Variants in DACH1 observed in about 807,000 individuals in gnomAD.
DACH1 encodes the protein dachshund homolog 1.
A neutral mutation model predicts 54.2 loss-of-function variants in DACH1; 12 were observed. The observed-to-expected ratio is 0.22, with a 90% CI of 0.14 to 0.36. The LOEUF (loss-of-function observed/expected upper bound fraction) is 0.36, where lower values mean the gene tolerates loss of function less well. DACH1 is among the 10% of genes least tolerant of loss of function. The pLI, the probability that DACH1 is intolerant of heterozygous loss-of-function variation, is 1.00. For missense variants in DACH1, 805 were observed against 929.8 expected, an observed-to-expected ratio of 0.87 and a Z score of 1.75; for synonymous variants, 386 against 366.2, an observed-to-expected ratio of 1.05 and a Z score of -0.62.
At chr13:71,701,339 A>G (rs1022565306) in intron 1 of DACH1, among the ~76,000 whole-genome samples, 1 of 152,202 alleles carries the variant, frequency 6.6e-6, no homozygotes, top group Non-Finnish European at 1.5e-5. Context: ...ATATGTGACA[A>G]TCAGAGTTAT....
intron 3 of DACH1, among the ~76,000 whole-genome samples, chr13:71,590,942 C>T (rs1445620903): frequency 6.8e-6 from 1 of 146,866 alleles, no homozygotes; most frequent in Non-Finnish European, 1.5e-5. Flanking sequence ...GCAGGGGCGC[C>T]ATCTCAGGTC....
chr13:71,827,564 G>T (rs1888427951), intron 1 of DACH1, among the ~76,000 whole-genome samples: 1 of 151,986 alleles, frequency 6.6e-6, no homozygotes, highest in African/African-American at 2.4e-5. Flanking sequence ...TGAGAACAAG[G>T]GAGTGAGGAC....
intron 7 of DACH1, among the ~76,000 whole-genome samples, chr13:71,486,734 A>G (rs1015418222): frequency 6.6e-6 from 1 of 152,202 alleles, no homozygotes; most frequent in Non-Finnish European, 1.5e-5. Flanking sequence ...TAAATATATG[A>G]TAACTGCATC....
intron 1 of DACH1, among the ~76,000 whole-genome samples, chr13:71,748,871 TTTCTTTCTTTCTTTC>T (rs879405718): frequency 0.3 from 14,908 of 50,360 alleles, 1,255 homozygotes; most frequent in Non-Finnish European, 0.42. Context: ...TCTTTCTTTC[TTTCTTTCTTTCTTTC>T]TTTCTTTCTT....
chr13:71,593,243 T>G (rs1331293770), intron 3 of DACH1, among the ~76,000 whole-genome samples: 1 of 152,174 alleles, frequency 6.6e-6, no homozygotes, highest in Non-Finnish European at 1.5e-5. Flanking sequence ...ACCAATGTTT[T>G]GTGACTGCTT....
intron 6 of DACH1, among the ~76,000 whole-genome samples, chr13:71,507,758 A>C (rs1328954647): frequency 6.6e-6 from 1 of 152,182 alleles, no homozygotes; most frequent in Non-Finnish European, 1.5e-5. Context: ...CTAAGGTTTT[A>C]ATATATGGAG....
chr13:71,572,561 C>T (rs1885278124), intron 4 of DACH1, among the ~76,000 whole-genome samples: 1 of 152,146 alleles, frequency 6.6e-6, no homozygotes, highest in Non-Finnish European at 1.5e-5. Flanking sequence ...CACGCATACA[C>T]ACAACTACCT....
intron 1 of DACH1, among the ~76,000 whole-genome samples, chr13:71,791,732 A>G (rs1886841049): frequency 6.6e-6 from 1 of 152,200 alleles, no homozygotes; most frequent in Non-Finnish European, 1.5e-5. Flanking sequence ...GTGAATTCAC[A>G]GTTAAATGGG....
intron 1 of DACH1, among the ~76,000 whole-genome samples, chr13:71,854,787 CTT>C (rs1436599772): frequency 6.6e-6 from 1 of 151,974 alleles, no homozygotes; most frequent in African/African-American, 2.4e-5. Context: ...TTGGGGTAAA[CTT>C]TTAAATGAAA....
intron 1 of DACH1, among the ~76,000 whole-genome samples, chr13:71,734,955 G>GATAT (rs140707445): frequency 2.1e-5 from 3 of 143,840 alleles, no homozygotes; most frequent in African/African-American, 7.9e-5. Flanking sequence ...ACACACACAG[G>GATAT]ATATATATAT....
chr13:71,754,443 G>A (rs1445005917), intron 1 of DACH1, among the ~76,000 whole-genome samples: 6 of 152,156 alleles, frequency 3.9e-5, no homozygotes, highest in Admixed American at 3.9e-4. Flanking sequence ...TACTTTGCAA[G>A]GGGATGATGA....
intron 2 of DACH1, among the ~76,000 whole-genome samples, chr13:71,633,334 T>C (rs1402406323): frequency 6.6e-6 from 1 of 152,176 alleles, no homozygotes; most frequent in Non-Finnish European, 1.5e-5. Flanking sequence ...TAGTAAACAT[T>C]AGGCATGCTA....
At chr13:71,847,795 T>C (rs1385494146) in intron 1 of DACH1, among the ~76,000 whole-genome samples, 1 of 152,174 alleles carries the variant, frequency 6.6e-6, no homozygotes, top group Non-Finnish European at 1.5e-5. Context: ...TGTATTAACA[T>C]AAGGCACTGC....
At chr13:71,777,444 C>T (rs1261800695) in intron 1 of DACH1, among the ~76,000 whole-genome samples, 1 of 151,996 alleles carries the variant, frequency 6.6e-6, no homozygotes, top group Non-Finnish European at 1.5e-5. Context: ...TATGGTACAT[C>T]GTTGATGCTA....
intron 1 of DACH1, among the ~76,000 whole-genome samples, chr13:71,788,280 T>G (rs531935065): frequency 6.6e-6 from 1 of 152,084 alleles, no homozygotes; most frequent in African/African-American, 2.4e-5. Flanking sequence ...AACAAAGAGG[T>G]GGGATTAGAG....
At chr13:71,578,206 C>G (rs1338353140) in intron 3 of DACH1, among the ~76,000 whole-genome samples, 3 of 152,116 alleles carry the variant, frequency 2.0e-5, no homozygotes, top group Admixed American at 2.0e-4. Context: ...AACGGTCACA[C>G]CACTGCTTAT....
chr13:71,643,353 AT>A (rs1878042385), intron 2 of DACH1, among the ~76,000 whole-genome samples: 1 of 152,224 alleles, frequency 6.6e-6, no homozygotes, highest in South Asian at 2.1e-4. Context: ...TCTTATGAGA[AT>A]TAGAAAATTC....
intron 1 of DACH1, among the ~76,000 whole-genome samples, chr13:71,758,780 G>C (rs139364766): frequency 2.2e-4 from 33 of 152,270 alleles, no homozygotes; most frequent in African/African-American, 6.5e-4. Context: ...TGACTGAGTG[G>C]CATATAATTT....
intron 3 of DACH1, among the ~76,000 whole-genome samples, chr13:71,628,390 G>A (rs542429955): frequency 6.6e-6 from 1 of 152,104 alleles, no homozygotes; most frequent in Non-Finnish European, 1.5e-5. Context: ...GTGAGAATAG[G>A]ATGAAAATTA....
Sources: allele counts gnomAD v4.1 joint callset (sites outside exome capture counted in the v4.1 genomes callset), GRCh38; gene constraint gnomAD v4.1.1; transcripts MANE v1.5; gene names NCBI Gene and HGNC (gene_info 2026-07-23, HGNC 2026-07-21).